TCTN1: variants seen among roughly 807,000 people sequenced by gnomAD.
The protein encoded by TCTN1 is tectonic-1.
A neutral mutation model predicts 65.8 loss-of-function variants in TCTN1; 58 were observed. That is an observed-to-expected ratio of 0.88 (90% CI 0.71 to 1.10). The LOEUF (loss-of-function observed/expected upper bound fraction) is 1.10. Ranked by LOEUF, TCTN1 falls within the 50% of genes least tolerant of loss-of-function variation. TCTN1 has a pLI of 0.00. For synonymous variants in TCTN1, 273 were observed against 289.1 expected, an observed-to-expected ratio of 0.94 and a Z score of 0.57; for missense variants, 645 against 719.4, an observed-to-expected ratio of 0.90 and a Z score of 1.18.
chr12:110,641,876 T>A, intron 10 of TCTN1: 1 of 561,764 alleles, frequency 1.8e-6, no homozygotes, highest in East Asian at 2.9e-5. Flanking sequence ...TTTTTTAATC[T>A]CCTTTTTTTT....
intron 7 of TCTN1, 124 bp downstream of exon 7, chr12:110,636,625 C>A: frequency 1.6e-6 from 1 of 614,520 alleles, no homozygotes; most frequent in East Asian, 3.3e-5. Context: ...ATAGCAAATA[C>A]ATTTGCCAAA....
intron 7 of TCTN1, among the ~76,000 whole-genome samples, chr12:110,636,902 C>T (rs1028351564): frequency 1.3e-5 from 2 of 152,234 alleles, no homozygotes; most frequent in Admixed American, 1.3e-4. Flanking sequence ...GTCCATACCG[C>T]GTGGGAGGCG....
At position 110,619,881 on chromosome 12, in the gene TCTN1, T is replaced by A. The variant is rs1429559194; in HGVS notation, c.266T>A (p.Ile89Asn). Residue 89 changes from isoleucine (I) to asparagine (N), a missense_variant, in exon 2 of 15, where the codon ATC becomes AAC. Physicochemically the swap from Ile to Asn is moderately radical, Grantham distance 149 (BLOSUM62 -3). Transcript: ENST00000397659. ...GACTTATCCCCAGCACAGTGTGACA[T>A]CAACTGCTGCTGTGATCCCGACTGC... is the stretch of plus-strand genomic sequence containing the variant. ...VCDLSPAQCD[I>N]NCCCDPDCSS... The A allele has an allele frequency of 6.2e-7, 1 of 1,614,154 alleles. No homozygotes were observed.
At chr12:110,629,064 C>G in intron 4 of TCTN1, 146 bp downstream of exon 4, 1 of 867,734 alleles carries the variant, frequency 1.2e-6, no homozygotes, top group Non-Finnish European at 1.8e-6. Flanking sequence ...GCCTACAAAT[C>G]AAAGATCATG....
chr12:110,640,650 G>A lies in TCTN1; in HGVS notation c.978+133G>A. 2 of 1,294,608 alleles carry A rather than the reference G, an allele frequency of 1.5e-6. No homozygotes were observed. Among genetic ancestry groups the A allele is most frequent in the South Asian group, 1.2e-5 (1 of 82,112 alleles). 80.2% of individuals were successfully genotyped at this position (1,294,608 alleles called of 1,614,324 possible). On this transcript the variant is annotated intron_variant, in intron 8 of 14. Coordinates refer to ENST00000397659, the MANE Select transcript of TCTN1 (RefSeq NM_001082538.3). This position sits in a 1 kb window ranked among gnomAD's most constrained non-coding sequence, Gnocchi z 4.9. ...GTGGCTTTTCTTGGCTCAGCTGCCT[G>A]CTTGTCTTTCTGCTGTCTCATCAAA...
At position 110,615,541 on chromosome 12, in the gene TCTN1, C is replaced by T. The variant is rs2064978175; in HGVS notation, c.220+1139C>T. ...TGTTACCCAGGCTGGAGTGCAGTGG[C>T]GTGATTATATCTCACTTAAGTCTCA... On this transcript the variant is annotated intron_variant, in intron 1 of 14. Coordinates refer to ENST00000397659, the MANE Select transcript of TCTN1 (RefSeq NM_001082538.3). 2.0e-5 allele frequency among the ~76,000 whole-genome samples: 3 copies of T among 152,144 alleles called. 1 individual carries two copies. In the South Asian group the frequency reaches 6.2e-4, roughly 32 times the overall value.
rs2065490025 is a variant in TCTN1 at position 110,622,325 on chromosome 12, TC to T, written c.341+2371del. Among the ~76,000 whole-genome samples the T allele has an allele frequency of 1.3e-5, 2 of 152,062 alleles. 1 individual carries two copies. Among genetic ancestry groups the T allele is most frequent in the South Asian group, 4.2e-4 (2 of 4,816 alleles). On this transcript the variant is annotated intron_variant, in intron 2 of 14. Coordinates refer to ENST00000397659, the MANE Select transcript of TCTN1 (RefSeq NM_001082538.3). ...TTCCTTTTCCTGTCTCAGCAGTCTT[TC>T]CTTTCTCCCAACCTTTCTTGAGTAC... is the stretch of plus-strand genomic sequence containing the variant.
chr12:110,618,659 G>A (rs1030292375), intron 1 of TCTN1, among the ~76,000 whole-genome samples: 12 of 152,108 alleles, frequency 7.9e-5, no homozygotes, highest in African/African-American at 1.9e-4. Context: ...GTGAGCCACC[G>A]TGCCTGGTTT....
At chr12:110,636,586 G>T in intron 7 of TCTN1, 85 bp downstream of exon 7, 1 of 842,354 alleles carries the variant, frequency 1.2e-6, no homozygotes, top group Non-Finnish European at 1.9e-6. Flanking sequence ...AATGAATACA[G>T]TTACAATTAG....
Position 110,644,759 on chromosome 12 carries a change from G to C in TCTN1, c.1332-208G>C, listed in dbSNP as rs1438484697. On this transcript the variant is annotated intron_variant, in intron 11 of 14. Transcript: ENST00000397659. This position sits in a 1 kb window ranked among gnomAD's most constrained non-coding sequence, Gnocchi z 4.6. The stretch of plus-strand genomic sequence containing the variant: ...CTGGGTGTGGTGGCTCACTCCTGTA[G>C]TCCCAGCACTCTGGGAGGATTGCAT... 7.9e-6 allele frequency: 5 copies of C among 635,074 alleles called. No homozygotes were observed. The highest frequency in any genetic ancestry group is 1.4e-5 in the Non-Finnish European group (5 of 362,508). The allele number at this position is 635,074 out of a possible 1,614,324, so 39.3% of individuals were successfully genotyped here. A position where few individuals can be genotyped will look rare whatever the true frequency, so the allele number is the denominator to read the frequency against.
Position 110,647,894 on chromosome 12 carries a change from G to C in TCTN1, c.*1+1G>C, listed in dbSNP as rs1012449234. The C allele has an allele frequency of 6.2e-7, 1 of 1,613,056 alleles. No homozygotes were observed. Among genetic ancestry groups the C allele is most frequent in the African/African-American group, 1.3e-5 (1 of 74,912 alleles). ...AACTTCTTCTTCCCGTTTGTTTGAC[G>C]TAAGTGAGGAAACTACGCCCCTCCT... On this transcript the variant is annotated splice_donor_variant, in intron 14 of 14. Coordinates refer to ENST00000397659, the MANE Select transcript of TCTN1 (RefSeq NM_001082538.3). LOFTEE classifies it low-confidence loss of function (3UTR_SPLICE).
At chr12:110,632,617 G>A (rs748208619) in intron 5 of TCTN1, 58 bp downstream of exon 5, 1 of 1,582,122 alleles carries the variant, frequency 6.3e-7, no homozygotes, top group Non-Finnish European at 8.7e-7. Context: ...TAGGTTGGTG[G>A]AAAAGTAGTT....
chr12:110,616,027 G>A (rs764655226), intron 1 of TCTN1, among the ~76,000 whole-genome samples: 2 of 152,166 alleles, frequency 1.3e-5, no homozygotes, highest in Admixed American at 1.3e-4. Flanking sequence ...TGATGAATTA[G>A]TAGGGAAGTT....
chr12:110,643,547 T>A (rs565232782), intron 11 of TCTN1: 8 of 152,318 alleles, frequency 5.3e-5, no homozygotes, highest in African/African-American at 1.9e-4. Flanking sequence ...ATGAATTTTT[T>A]ATTGTTTCCA....
Position 110,627,098 on chromosome 12 carries a change from C to CTT in TCTN1, c.472+622_472+623dup, listed in dbSNP as rs1272922586. 5.8e-3 allele frequency among the ~76,000 whole-genome samples: 758 copies of CTT among 130,634 alleles called. 1 individual carries two copies. Among genetic ancestry groups the CTT allele is most frequent in the Non-Finnish European group, 9.1e-3 (556 of 61,142 alleles). 85.7% of individuals were successfully genotyped at this position (130,634 alleles called of 152,430 possible). ...TATTATTACTATTTTTTCTTTCTTT[C>CTT]TTTTTTTTTTTTTTTTTGAGGCAGA... On this transcript the variant is annotated intron_variant, in intron 3 of 14. Transcript: ENST00000397659.
At chr12:110,649,007 G>A in intron 14 of TCTN1, 36 bp from the exon 15 acceptor site, 1 of 465,648 alleles carries the variant, frequency 2.1e-6, no homozygotes, top group Non-Finnish European at 4.2e-6. Flanking sequence ...CTAGAATGGG[G>A]TGGCAGCTAA....
At position 110,634,823 on chromosome 12, in the gene TCTN1, C is replaced by G. The variant is rs776054004; in HGVS notation, c.822+44C>G. ...TGGAACTTACTCATTAGGTATGTTT[C>G]TGTTCTTTCTGCGCTTTTAAAATAT... On this transcript the variant is annotated intron_variant, in intron 6 of 14. Coordinates refer to ENST00000397659, the MANE Select transcript of TCTN1 (RefSeq NM_001082538.3). 62 of 1,414,780 alleles carry G rather than the reference C, an allele frequency of 4.4e-5. No homozygotes were observed. The East Asian group carries it at 1.5e-3, about 33-fold the overall frequency. 87.6% of individuals were successfully genotyped at this position (1,414,780 alleles called of 1,614,324 possible).
intron 2 of TCTN1, among the ~76,000 whole-genome samples, chr12:110,620,588 C>G (rs2065353489): frequency 2.0e-5 from 3 of 152,014 alleles, no homozygotes; most frequent in African/African-American, 4.8e-5. Flanking sequence ...TTAGTATAGC[C>G]TAGGGTGAAA....
At chr12:110,622,971 A>AT (rs1265285449) in intron 2 of TCTN1, among the ~76,000 whole-genome samples, 7 of 152,116 alleles carry the variant, frequency 4.6e-5, no homozygotes, top group Non-Finnish European at 8.8e-5. Context: ...AGATCTGATG[A>AT]TGATACTGAA....
Sources: gnomAD v4.1 joint callset for allele counts (sites outside exome capture counted in the v4.1 genomes callset) on GRCh38, gnomAD v4.1.1 for gene constraint, Gnocchi (gnomAD v3.1) non-coding constraint, MANE v1.5 for transcripts, NCBI Gene and HGNC (gene_info 2026-07-23, HGNC 2026-07-21) for gene names.